The following KRT73 variants were observed in gnomAD, a reference collection of about 807,000 sequenced individuals.
The protein encoded by KRT73 is keratin 73.
A neutral mutation model predicts 47.2 loss-of-function variants in KRT73; 44 were observed. The observed-to-expected ratio is 0.93, with a 90% confidence interval of 0.73 to 1.20. The LOEUF is 1.20. Among genes scored for constraint, KRT73 ranks in the 50% most tolerant of loss-of-function variants. The pLI is 0.00. For missense variants in KRT73, 713 were observed against 704.5 expected, an observed-to-expected ratio of 1.01 and a Z score of -0.14; for synonymous variants, 285 against 291.3, an observed-to-expected ratio of 0.98 and a Z score of 0.22.
In KRT73 at chr12:52,608,537, T is replaced by C. The variant is rs548045991; in HGVS notation, c.1367-85A>G. On this transcript the variant is annotated intron_variant, in intron 8 of 8. Transcript: ENST00000305748. ...TCCCCCTCCAACCTCCCAGCCCCAC[T>C]AGCTTAAATACCTCCTTCTTAAGCA... 2.5e-6 allele frequency: 3 copies of C among 1,192,914 alleles called. No homozygotes were observed. In the Admixed American group the frequency reaches 8.0e-5, roughly 32 times the overall value. 73.9% of individuals were successfully genotyped at this position (1,192,914 alleles called of 1,614,324 possible).
intron 4 of KRT73, 91 bp downstream of exon 4, chr12:52,614,488 A>G: frequency 8.9e-7 from 1 of 1,122,064 alleles, no homozygotes; most frequent in East Asian, 2.5e-5. Flanking sequence ...GGTGCCCTGG[A>G]CTGCTTAAGT....
intron 3 of KRT73, 66 bp from the exon 4 acceptor site, chr12:52,614,740 C>T: frequency 7.5e-7 from 1 of 1,331,718 alleles, no homozygotes; most frequent in Non-Finnish European, 1.0e-6. Context: ...CTCCAGCGAA[C>T]TGACACCTGC....
At chr12:52,616,107 G>A (rs1940806263) in intron 2 of KRT73, 59 bp downstream of exon 2, 2 of 1,590,176 alleles carry the variant, frequency 1.3e-6, no homozygotes, top group Non-Finnish European at 1.7e-6. Context: ...ACATCCCAGT[G>A]CCTGCTGGGA....
rs1281636776 is a variant in KRT73 at position 52,618,217 on chromosome 12, C to T, written c.308G>A (p.Gly103Asp). ...CTTGTTGATGGTGACCTGATGGATA[C>T]CCCCGGGCGGGCACAACGACGGACA... ...SVCPSLCPPGGIHQVTINKSL... is the reference protein window; with the variant it reads ...SVCPSLCPPGDIHQVTINKSL... Residue 103 changes from glycine (G) to aspartate (D), a missense_variant, in exon 1 of 9, where the codon GGT (glycine) becomes GAT (aspartate). Coordinates refer to ENST00000305748, the MANE Select transcript of KRT73 (RefSeq NM_175068.3). 3 of 1,614,118 alleles carry T rather than the reference C, an allele frequency of 1.9e-6. No individual in the cohort carries two copies. In the South Asian group the frequency reaches 3.3e-5, roughly 18 times the overall value.
Position 52,608,098 on chromosome 12 carries a change from G to A in KRT73, c.*98C>T. The A allele has an allele frequency of 1.5e-6, 2 of 1,303,636 alleles. No individual in the cohort carries two copies. The highest frequency in any genetic ancestry group is 3.0e-5 in the African/African-American group (2 of 67,528). The allele number at this position is 1,303,636 out of a possible 1,614,324, so 80.8% of individuals were successfully genotyped here. A position where few individuals can be genotyped will look rare whatever the true frequency, so the allele number is the denominator to read the frequency against. On this transcript the variant is annotated 3_prime_UTR_variant, in exon 9 of 9. Transcript: ENST00000305748. Reference sequence around the variant, plus strand: ...GGTCCACAGCAAAGCAAAGCAAGAAGGAGATGAGGACAAATGAGACAGAGG... The same window carrying A: ...GGTCCACAGCAAAGCAAAGCAAGAAAGAGATGAGGACAAATGAGACAGAGG...
chr12:52,621,914 C>G (rs1385559889), upstream of KRT73, among the ~76,000 whole-genome samples: 1 of 152,110 alleles, frequency 6.6e-6, no homozygotes, highest in Non-Finnish European at 1.5e-5. Flanking sequence ...CCACTTGGTA[C>G]CAGTGGAGAC....
At chr12:52,611,041 G>T in intron 6 of KRT73, 163 bp downstream of exon 6, 1 of 1,017,598 alleles carries the variant, frequency 9.8e-7, no homozygotes, top group Non-Finnish European at 1.4e-6. Context: ...ATCTGCAATT[G>T]TTCCAAACTT....
In KRT73 at chr12:52,618,164, G is replaced by A. The variant is rs1940846496; in HGVS notation, c.361C>T (p.Leu121=). ...KSLLAPLNVE[L]DPEIQKVRAQ... ...CGCACTTTCTGGATTTCAGGGTCCA[G>A]CTCCACGTTCAGGGGTGCCAGGAGG... Residue 121 remains leucine, a synonymous_variant, in exon 1 of 9, where the codon CTG becomes TTG. Transcript: ENST00000305748. 1 of 1,614,082 alleles carries A rather than the reference G, an allele frequency of 6.2e-7. No individual in the cohort carries two copies. The highest frequency in any genetic ancestry group is 8.5e-7 in the Non-Finnish European group (1 of 1,179,988).
chr12:52,621,536 A>C (rs1432281184), upstream of KRT73, among the ~76,000 whole-genome samples: 2 of 152,174 alleles, frequency 1.3e-5, no homozygotes, highest in African/African-American at 2.4e-5. Flanking sequence ...TTATTTCTCT[A>C]GGTTTTCTAT....
intron 5 of KRT73, chr12:52,611,553 T>C (rs1940703792): frequency 1.6e-5 from 9 of 559,198 alleles, no homozygotes; most frequent in South Asian, 2.2e-5. Flanking sequence ...ATAAGGACTG[T>C]TGAATGTCCC....
At chr12:52,622,531 G>A (rs931228654), upstream of KRT73, among the ~76,000 whole-genome samples, 3 of 152,200 alleles carry the variant, frequency 2.0e-5, no homozygotes, top group African/African-American at 4.8e-5. Flanking sequence ...GAGGGCAGTG[G>A]TGAAGAGACC....
chr12:52,613,469 T>C lies in KRT73; in HGVS notation c.984+219A>G, dbSNP rs1940744547. ...GGACTCTGTTTACACCACATTCACC[T>C]GCACTCAGCTGAGTGCATCCTCCAG... is the stretch of plus-strand genomic sequence containing the variant. On this transcript the variant is annotated intron_variant, in intron 5 of 8. Coordinates refer to ENST00000305748, the MANE Select transcript of KRT73 (RefSeq NM_175068.3). 1.7e-5 allele frequency: 13 copies of C among 757,120 alleles called. No homozygotes were observed. The Admixed American group carries it at 4.2e-4, about 25-fold the overall frequency. The allele number at this position is 757,120 out of a possible 1,614,324, so 46.9% of individuals were successfully genotyped here.
At chr12:52,620,182 C>T (rs140153231), upstream of KRT73, among the ~76,000 whole-genome samples, 3 of 133,984 alleles carry the variant, frequency 2.2e-5, no homozygotes, top group Admixed American at 8.9e-5. Context: ...AGCATGATCT[C>T]GGCTCATCGC....
Position 52,614,619 on chromosome 12 carries a change from A to T in KRT73, c.779T>A (p.Leu260Gln), listed in dbSNP as rs1940774286. ...KVELQAKVDA[L>Q]DGEIKFFKCL... ...CTTGAAGAACTTGATTTCTCCATCCAGGGCATCCACCTTGGCCTGCAGCTC... is the reference window on the plus strand; with the variant it reads ...CTTGAAGAACTTGATTTCTCCATCCTGGGCATCCACCTTGGCCTGCAGCTC... The change falls in exon 4 of 9, where the codon CTG becomes CAG. Residue 260 changes from leucine to glutamine, a missense_variant. Transcript: ENST00000305748. 1 of 1,613,892 alleles carries T rather than the reference A, an allele frequency of 6.2e-7. No homozygotes were observed. The highest frequency in any genetic ancestry group is 1.7e-5 in the Admixed American group (1 of 59,990).
chr12:52,610,584 C>T, intron 7 of KRT73, 31 bp downstream of exon 7: 1 of 1,284,938 alleles, frequency 7.8e-7, no homozygotes, highest in Non-Finnish European at 1.0e-6. Context: ...TGGAGACTTG[C>T]AGTTTCTTCC....
intron 5 of KRT73, 191 bp from the exon 6 acceptor site, chr12:52,611,520 C>A: frequency 1.6e-6 from 1 of 622,576 alleles, no homozygotes; most frequent in Non-Finnish European, 2.8e-6. Context: ...CACAGCTGAT[C>A]TCATGGATGG....
In KRT73 at chr12:52,611,273, T is replaced by G. The variant is rs1162170824; in HGVS notation, c.1041A>C (p.Lys347Asn). The change falls in exon 6 of 9, where the codon AAA becomes AAC. Residue 347 changes from lysine (K) to asparagine (N), a missense_variant. By Grantham distance (94) the Lys-to-Asn change is moderately conservative. Transcript: ENST00000305748. Reference sequence around the variant, plus strand: ...GACGGGTCAGCTCTGAGATCTCATTTTTGGTGTGTTTCAGGTCATCCCCAT... The same window carrying G: ...GACGGGTCAGCTCTGAGATCTCATTGTTGGTGTGTTTCAGGTCATCCCCAT... ...GRHGDDLKHTKNEISELTRLI... is the reference protein window; with the variant it reads ...GRHGDDLKHTNNEISELTRLI... 21 of 1,614,158 alleles carry G rather than the reference T, an allele frequency of 1.3e-5. No homozygotes were observed. The highest frequency in any genetic ancestry group is 1.8e-5 in the Non-Finnish European group (21 of 1,180,028).
Position 52,608,304 on chromosome 12 carries a change from A to C in KRT73, c.1515T>G (p.Cys505Trp). 1.2e-6 allele frequency: 2 copies of C among 1,613,978 alleles called. No homozygotes were observed. Among genetic ancestry groups the C allele is most frequent in the South Asian group, 1.1e-5 (1 of 91,020 alleles). The change falls in exon 9 of 9, where the codon TGT becomes TGG. Residue 505 changes from cysteine (C) to tryptophan (W), a missense_variant. Coordinates refer to ENST00000305748, the MANE Select transcript of KRT73 (RefSeq NM_175068.3). ...PGGCVTGSGN[C>W]SPRGEARTRL... ...TGGTCCTGGCTTCCCCACGGGGGCT[A>C]CAGTTCCCACTGCCAGTGACACAGC... is the stretch of plus-strand genomic sequence containing the variant.
upstream of KRT73, among the ~76,000 whole-genome samples, chr12:52,621,350 C>T (rs2120892976): frequency 6.6e-6 from 1 of 152,012 alleles, no homozygotes; most frequent in Non-Finnish European, 1.5e-5. Flanking sequence ...CTTTCTGTCA[C>T]CCCCAGGGGC....
Sources: allele counts gnomAD v4.1 joint callset (sites outside exome capture counted in the v4.1 genomes callset), GRCh38; gene constraint gnomAD v4.1.1; transcripts MANE v1.5; gene names NCBI Gene and HGNC (gene_info 2026-07-23, HGNC 2026-07-21).